KDM5B: variants seen among roughly 807,000 people sequenced by gnomAD.
KDM5B encodes lysine demethylase 5B.
KDM5B carries 144 observed loss-of-function variants against 193.4 expected under a neutral mutation model. The ratio of observed to expected loss-of-function variants is 0.74; its 90% CI spans 0.65 to 0.86. The LOEUF (loss-of-function observed/expected upper bound fraction) is 0.86. Ranked by LOEUF, KDM5B falls within the 40% of genes least tolerant of loss-of-function variation. KDM5B has a pLI of 0.00. For synonymous variants in KDM5B, 668 were observed against 682.6 expected, an observed-to-expected ratio of 0.98 and a Z score of 0.33; for missense variants, 1,833 against 1,886.9, an observed-to-expected ratio of 0.97 and a Z score of 0.53.
At chr1:202,788,873 A>G (rs913421725) in intron 1 of KDM5B, among the ~76,000 whole-genome samples, 1 of 152,164 alleles carries the variant, frequency 6.6e-6, no homozygotes, top group African/African-American at 2.4e-5. Context: ...CTGGCAGAAA[A>G]CTGAGGCTGC....
At chr1:202,729,300 G>T in intron 26 of KDM5B, 127 bp from the exon 27 acceptor site, 1 of 984,600 alleles carries the variant, frequency 1.0e-6, no homozygotes, top group Non-Finnish European at 1.5e-6. Context: ...GGGACCTCTG[G>T]CACAACAGCT....
intron 1 of KDM5B, among the ~76,000 whole-genome samples, chr1:202,779,580 C>T (rs924544446): frequency 2.0e-5 from 3 of 151,944 alleles, no homozygotes; most frequent in Non-Finnish European, 4.4e-5. Context: ...CCGAGGCAAG[C>T]AGATCACCTG....
At chr1:202,737,682 C>T (rs1655145714) in intron 20 of KDM5B, among the ~76,000 whole-genome samples, 1 of 152,166 alleles carries the variant, frequency 6.6e-6, no homozygotes, top group Admixed American at 6.5e-5. Flanking sequence ...GAACAGAACA[C>T]TCCACAAAGA....
intron 4 of KDM5B, chr1:202,767,536 T>C (rs1656523464): frequency 4.8e-6 from 3 of 627,906 alleles, no homozygotes; most frequent in Admixed American, 5.8e-5. Flanking sequence ...ACTGAAAGGA[T>C]TCCCTCCTTT....
chr1:202,740,151 G>T (rs1655258467), intron 20 of KDM5B, among the ~76,000 whole-genome samples: 1 of 148,842 alleles, frequency 6.7e-6, no homozygotes, highest in Non-Finnish European at 1.5e-5. Flanking sequence ...GCCGGGCAGA[G>T]GGGCTCCTCA....
chr1:202,793,738 A>C (rs531803051), intron 1 of KDM5B, among the ~76,000 whole-genome samples: 1 of 152,344 alleles, frequency 6.6e-6, no homozygotes, highest in African/African-American at 2.4e-5. Flanking sequence ...ATCCTAAATC[A>C]AATTCTAAAC....
intron 22 of KDM5B, among the ~76,000 whole-genome samples, chr1:202,734,596 C>T (rs1255424610): frequency 6.6e-6 from 1 of 152,176 alleles, no homozygotes; most frequent in African/African-American, 2.4e-5. Context: ...AACATATATA[C>T]ACCTCAGGAG....
chr1:202,730,806 G>A lies in KDM5B; in HGVS notation c.4176+103C>T, dbSNP rs1654855535. On this transcript the variant is annotated intron_variant, in intron 25 of 26. Transcript: ENST00000367265. ...AAAATGGGTCATCCTCAGTCTAATC[G>A]CCCAGTCCTCACACCAGCTGTCTGG... The A allele has an allele frequency of 9.6e-6, 11 of 1,147,764 alleles. No homozygotes were observed. In the East Asian group the frequency reaches 9.8e-5, roughly 10 times the overall value. The allele number at this position is 1,147,764 out of a possible 1,614,324, so 71.1% of individuals were successfully genotyped here.
At chr1:202,766,577 T>C in intron 5 of KDM5B, 1 of 423,320 alleles carries the variant, frequency 2.4e-6, no homozygotes, top group South Asian at 1.9e-5. Context: ...AAAAAACTCC[T>C]AATCTTCATG....
chr1:202,729,807 T>A lies in KDM5B; in HGVS notation c.4397A>T (p.His1466Leu). The stretch of plus-strand genomic sequence containing the variant: ...ATAGGATGTGTCTGAGGGCAGGGAA[T>A]GAGTTTCAGCAGAACGAACTAATTC... ...SYELVRSAET[H>L]SLPSDTSYSE... Residue 1466 changes from histidine (H) to leucine (L), a missense_variant, in exon 26 of 27, where the codon CAT becomes CTT. Coordinates refer to ENST00000367265, the MANE Select transcript of KDM5B (RefSeq NM_006618.5). The A allele has an allele frequency of 6.2e-7, 1 of 1,614,164 alleles. No individual in the cohort carries two copies. The highest frequency in any genetic ancestry group is 8.5e-7 in the Non-Finnish European group (1 of 1,180,006).
intron 4 of KDM5B, among the ~76,000 whole-genome samples, chr1:202,768,558 T>A (rs1008469733): frequency 6.6e-6 from 1 of 152,144 alleles, no homozygotes; most frequent in African/African-American, 2.4e-5. Flanking sequence ...TAAAATTTAT[T>A]TCTAATAGTT....
At chr1:202,768,224 G>A (rs1656555730) in intron 4 of KDM5B, among the ~76,000 whole-genome samples, 1 of 152,148 alleles carries the variant, frequency 6.6e-6, no homozygotes, top group African/African-American at 2.4e-5. Context: ...GGTATTTAAT[G>A]CCAATATAAC....
At chr1:202,742,104 G>T (rs935513778) in intron 18 of KDM5B, among the ~76,000 whole-genome samples, 2 of 151,978 alleles carry the variant, frequency 1.3e-5, no homozygotes, top group Non-Finnish European at 2.9e-5. Context: ...TTGAACTCCT[G>T]ACCTCATGAT....
Position 202,767,048 on chromosome 1 carries a change from G to GCTT in KDM5B, c.586_588dup (p.Lys196dup), listed in dbSNP as rs748491112. 2.5e-6 allele frequency: 4 copies of GCTT among 1,609,366 alleles called. No individual in the cohort carries two copies. In the African/African-American group the frequency reaches 5.4e-5, roughly 22 times the overall value. ...TCCTTAGTGTCTGTGGTCAGGTTTG[G>GCTT]CTTCTGCAAACACTAGAAATAACAA... On this transcript the variant is annotated inframe_insertion, in exon 5 of 27. Coordinates refer to ENST00000367265, the MANE Select transcript of KDM5B (RefSeq NM_006618.5).
At chr1:202,740,063 G>A (rs1184644477) in intron 20 of KDM5B, among the ~76,000 whole-genome samples, 4 of 151,716 alleles carry the variant, frequency 2.6e-5, no homozygotes, top group African/African-American at 9.7e-5. Context: ...GGGCAGAGGC[G>A]CCCCTCACCT....
intron 1 of KDM5B, among the ~76,000 whole-genome samples, chr1:202,802,080 C>T (rs1033409111): frequency 2.6e-5 from 4 of 151,810 alleles, no homozygotes; most frequent in Admixed American, 1.3e-4. Context: ...AATCTCAACA[C>T]TGAGAGGACT....
chr1:202,796,644 G>T, intron 1 of KDM5B: 1 of 160,432 alleles, frequency 6.2e-6, no homozygotes, highest in Non-Finnish European at 1.4e-5. Flanking sequence ...TAGAGTGGTT[G>T]GTGCTCACTG....
At chr1:202,803,614 A>G (rs1658166126) in intron 1 of KDM5B, among the ~76,000 whole-genome samples, 1 of 152,026 alleles carries the variant, frequency 6.6e-6, no homozygotes, top group South Asian at 2.1e-4. Flanking sequence ...ACCTGAGGTC[A>G]GGAGTTCAAG....
At position 202,727,698 on chromosome 1, in the gene KDM5B, A is replaced by G. The variant is rs935837688; in HGVS notation, c.*1338T>C. 5 of 152,680 alleles carry G rather than the reference A, an allele frequency of 3.3e-5. No individual in the cohort carries two copies. Among genetic ancestry groups the G allele is most frequent in the African/African-American group, 1.2e-4 (5 of 41,464 alleles). 9.5% of individuals were successfully genotyped at this position (152,680 alleles called of 1,614,324 possible). ...CTATCCACAGCCAGTAATGATAGCT[A>G]CAGTTAGAAAGAAATGAGAAAGGAA... On this transcript the variant is annotated 3_prime_UTR_variant, in exon 27 of 27. Coordinates refer to ENST00000367265, the MANE Select transcript of KDM5B (RefSeq NM_006618.5).
Sources: gnomAD v4.1 joint callset for allele counts (sites outside exome capture counted in the v4.1 genomes callset) on GRCh38, gnomAD v4.1.1 for gene constraint, MANE v1.5 for transcripts, NCBI Gene and HGNC (gene_info 2026-07-23, HGNC 2026-07-21) for gene names.